UBE2L3: variants seen among roughly 807,000 people sequenced by gnomAD.
UBE2L3 encodes the protein ubiquitin conjugating enzyme E2 L3.
In UBE2L3, 1 loss-of-function variant was observed where a neutral mutation model predicts 17.8. That is an observed-to-expected ratio of 0.06 (90% CI 0.02 to 0.27). UBE2L3 has a LOEUF of 0.27. Ranked by LOEUF, UBE2L3 falls within the 10% of genes least tolerant of loss-of-function variation. The pLI, the probability that UBE2L3 is intolerant of heterozygous loss-of-function variation, is 1.00. For synonymous variants in UBE2L3, 44 were observed against 68.5 expected (o/e 0.64, Z 1.76); for missense variants, 40 against 192.6 (o/e 0.21, Z 4.69).
chr22:21,596,884 T>C (rs1303013149), intron 2 of UBE2L3, among the ~76,000 whole-genome samples: 2 of 152,198 alleles, frequency 1.3e-5, no homozygotes, highest in Non-Finnish European at 2.9e-5. Context: ...GTTACAGCCA[T>C]TCTAGTTGGT....
intron 1 of UBE2L3, among the ~76,000 whole-genome samples, chr22:21,590,938 T>C (rs544502280): frequency 6.6e-6 from 1 of 152,238 alleles, no homozygotes; most frequent in Non-Finnish European, 1.5e-5. Context: ...GGACCAGGGC[T>C]TCCTGATCCC....
At chr22:21,615,008 A>C (rs1172439013) in intron 3 of UBE2L3, among the ~76,000 whole-genome samples, 2 of 152,036 alleles carry the variant, frequency 1.3e-5, no homozygotes, top group Non-Finnish European at 2.9e-5. Flanking sequence ...ACAAAAAATT[A>C]GCTGGGTGTG....
At chr22:21,567,814 C>T in intron 1 of UBE2L3, 43 bp downstream of exon 1, 1 of 1,566,466 alleles carries the variant, frequency 6.4e-7, no homozygotes. Flanking sequence ...GGGGCGGCGT[C>T]CTAGGCTCCG....
chr22:21,616,778 G>A (rs1000421262), intron 3 of UBE2L3, among the ~76,000 whole-genome samples: 6 of 151,552 alleles, frequency 4.0e-5, no homozygotes, highest in Non-Finnish European at 7.4e-5. Flanking sequence ...TTCCATGGAA[G>A]GCTACAACAT....
At chr22:21,610,028 T>C (rs59443971) in intron 2 of UBE2L3, among the ~76,000 whole-genome samples, 13 of 152,108 alleles carry the variant, frequency 8.5e-5, no homozygotes, top group African/African-American at 3.1e-4. Context: ...AAAATAATAA[T>C]AATAAAAAGA....
At chr22:21,606,821 C>T (rs1650044484) in intron 2 of UBE2L3, among the ~76,000 whole-genome samples, 1 of 152,174 alleles carries the variant, frequency 6.6e-6, no homozygotes, top group Non-Finnish European at 1.5e-5. Flanking sequence ...TGCACTCCAG[C>T]CTGGGTGACT....
intron 1 of UBE2L3, 80 bp downstream of exon 1, chr22:21,567,851 C>T (rs1926718850): frequency 1.3e-6 from 2 of 1,550,436 alleles, no homozygotes; most frequent in Middle Eastern, 1.8e-4. Flanking sequence ...GGCGGCTTCT[C>T]AGGGCGCTGC....
chr22:21,615,711 A>C (rs1480101204), intron 3 of UBE2L3, among the ~76,000 whole-genome samples: 1 of 152,222 alleles, frequency 6.6e-6, no homozygotes, highest in Non-Finnish European at 1.5e-5. Context: ...CCCCAAAATC[A>C]ATACTCTCGG....
chr22:21,571,882 C>T (rs1050130805), intron 1 of UBE2L3, among the ~76,000 whole-genome samples: 1 of 152,112 alleles, frequency 6.6e-6, no homozygotes, highest in African/African-American at 2.4e-5. Context: ...GGAGATAGAG[C>T]AATGAGTATG....
chr22:21,615,028 G>GTA, intron 3 of UBE2L3, among the ~76,000 whole-genome samples: 1 of 152,052 alleles, frequency 6.6e-6, no homozygotes, highest in Non-Finnish European at 1.5e-5. Context: ...GGTGGCGGGC[G>GTA]CCTGTAATCC....
chr22:21,556,629 A>AT (rs780653296), intron 1 of UBE2L3, among the ~76,000 whole-genome samples: 20,271 of 128,070 alleles, frequency 0.16, 811 homozygotes, highest in African/African-American at 0.35. Context: ...TTTTTTTTGT[A>AT]TTTTTTTTTT....
chr22:21,581,869 T>C (rs1289921764), intron 1 of UBE2L3, among the ~76,000 whole-genome samples: 1 of 151,414 alleles, frequency 6.6e-6, no homozygotes, highest in Non-Finnish European at 1.5e-5. Context: ...CCCACCACTT[T>C]GGGAGGCTGA....
chr22:21,599,315 A>G (rs1928730895), intron 2 of UBE2L3, among the ~76,000 whole-genome samples: 1 of 151,532 alleles, frequency 6.6e-6, no homozygotes, highest in Non-Finnish European at 1.5e-5. Context: ...TCTCTCCCCT[A>G]CTTCCGTCTC....
chr22:21,598,457 G>T (rs1928675374), intron 2 of UBE2L3, among the ~76,000 whole-genome samples: 1 of 150,210 alleles, frequency 6.7e-6, no homozygotes, highest in Admixed American at 6.6e-5. Context: ...GCTTGTTAGA[G>T]AGTACGTTTA....
At chr22:21,610,191 A>T (rs1354652522) in intron 2 of UBE2L3, among the ~76,000 whole-genome samples, 1 of 152,166 alleles carries the variant, frequency 6.6e-6, no homozygotes, top group Non-Finnish European at 1.5e-5. Context: ...TGGAAAGGGC[A>T]AGGCAGTTCT....
At chr22:21,586,317 G>A (rs1371377242) in intron 1 of UBE2L3, among the ~76,000 whole-genome samples, 1 of 152,092 alleles carries the variant, frequency 6.6e-6, no homozygotes, top group Admixed American at 6.5e-5. Flanking sequence ...CCAGGCTGGA[G>A]TGCACTGGCG....
At chr22:21,567,563 T>G, upstream of UBE2L3, 1 of 1,360,328 alleles carries the variant, frequency 7.4e-7, no homozygotes, top group Non-Finnish European at 9.8e-7. Flanking sequence ...TGAGGCCCAG[T>G]CTGTGCGGTT....
At chr22:21,575,745 C>A (rs1411620352) in intron 1 of UBE2L3, among the ~76,000 whole-genome samples, 1 of 140,914 alleles carries the variant, frequency 7.1e-6, no homozygotes, top group East Asian at 2.2e-4. Flanking sequence ...CATGTTCAAG[C>A]CATTCCTCCT....
intron 2 of UBE2L3, among the ~76,000 whole-genome samples, chr22:21,603,529 T>TTA (rs1928976310): frequency 2.5e-5 from 2 of 79,950 alleles, no homozygotes; most frequent in South Asian, 9.0e-4. Context: ...GACTCTGTCT[T>TTA]AAAAAAAAAA....
Sources: gnomAD v4.1 joint callset for allele counts (sites outside exome capture counted in the v4.1 genomes callset) on GRCh38, gnomAD v4.1.1 for gene constraint, MANE v1.5 for transcripts, NCBI Gene and HGNC (gene_info 2026-07-23, HGNC 2026-07-21) for gene names.